The following PALM2AKAP2 variants were observed in gnomAD, a reference collection of about 807,000 sequenced individuals.
PALM2AKAP2 encodes PALM2-AKAP2 fusion protein.
Under a neutral mutation model 71.5 loss-of-function variants are expected in PALM2AKAP2, and 37 were observed. The observed-to-expected ratio is 0.52, with a 90% CI of 0.40 to 0.68. The LOEUF (loss-of-function observed/expected upper bound fraction) is 0.68. Among genes scored for constraint, PALM2AKAP2 ranks in the 30% least tolerant of loss-of-function variants. The pLI, the probability that PALM2AKAP2 is intolerant of heterozygous loss-of-function variation, is 0.00. For missense variants in PALM2AKAP2, 1,224 were observed against 1,191.8 expected (o/e 1.03, Z -0.40); for synonymous variants, 468 against 478.8 (o/e 0.98, Z 0.29).
intron 3 of PALM2AKAP2, 97 bp downstream of exon 10, chr9:110,162,229 C>A: frequency 6.5e-7 from 1 of 1,530,868 alleles, no homozygotes; most frequent in African/African-American, 1.4e-5. Flanking sequence ...ACGAAAATGG[C>A]AAGAAAAATG....
At chr9:110,049,828 G>A (rs1474414516) in intron 1 of PALM2AKAP2, among the ~76,000 whole-genome samples, 1 of 152,246 alleles carries the variant, frequency 6.6e-6, no homozygotes, top group Non-Finnish European at 1.5e-5. Context: ...CTGGTGGCCG[G>A]GTGAGGACTG....
At chr9:109,674,882 T>G (rs1827627179) in intron 1 of PALM2AKAP2, among the ~76,000 whole-genome samples, 1 of 152,110 alleles carries the variant, frequency 6.6e-6, no homozygotes, top group Non-Finnish European at 1.5e-5. Flanking sequence ...CTTATAATTT[T>G]TTTTACTTTA....
Position 109,939,121 on chromosome 9 carries a change from A to G in PALM2AKAP2, c.496+7093A>G, listed in dbSNP as rs142732203. The stretch of plus-strand genomic sequence containing the variant: ...TCATATTCACTTTTCTTTCCTCCAC[A>G]TATCACCTGCTCTAAAGCATCATTT... On this transcript the variant is annotated intron_variant, in intron 6 of 9. Transcript: ENST00000302798. Among the ~76,000 whole-genome samples, 464 of 152,232 alleles carry G rather than the reference A, an allele frequency of 3.0e-3. 1 individual carries two copies. The highest frequency in any genetic ancestry group is 0.011 in the African/African-American group (442 of 41,540).
At chr9:109,986,694 T>C (rs927766581) in intron 6 of PALM2AKAP2, among the ~76,000 whole-genome samples, 1 of 152,258 alleles carries the variant, frequency 6.6e-6, no homozygotes, top group African/African-American at 2.4e-5. Context: ...TCTGAGTCTT[T>C]ACCCACTTCA....
At chr9:110,033,460 C>A (rs1833322626) in intron 7 of PALM2AKAP2, among the ~76,000 whole-genome samples, 1 of 152,184 alleles carries the variant, frequency 6.6e-6, no homozygotes, top group Admixed American at 6.5e-5. Flanking sequence ...GGGCTAGGCA[C>A]TGTGTTAAAC....
intron 1 of PALM2AKAP2, among the ~76,000 whole-genome samples, chr9:109,769,752 A>G (rs1829226847): frequency 6.6e-6 from 1 of 152,120 alleles, no homozygotes; most frequent in Non-Finnish European, 1.5e-5. Context: ...ACATAGTGCT[A>G]TGTTTTATTT....
At chr9:109,747,276 C>T (rs1587892569) in intron 1 of PALM2AKAP2, among the ~76,000 whole-genome samples, 1 of 152,250 alleles carries the variant, frequency 6.6e-6, no homozygotes, top group East Asian at 1.9e-4. Context: ...GCCCCCAGGC[C>T]ACCACGCTGA....
chr9:109,796,284 A>C (rs1258036306), intron 1 of PALM2AKAP2, among the ~76,000 whole-genome samples: 1 of 152,234 alleles, frequency 6.6e-6, no homozygotes, highest in Non-Finnish European at 1.5e-5. Flanking sequence ...TGATTGATGT[A>C]CAGTCAGCAA....
intron 3 of PALM2AKAP2, chr9:110,162,130 G>T (rs140234906): frequency 3.1e-6 from 5 of 1,613,856 alleles, no homozygotes; most frequent in Non-Finnish European, 4.2e-6. Context: ...GGTGACTTCC[G>T]AGGTACTTTT....
At chr9:110,138,266 G>A (rs746520941) in exon 2 of PALM2AKAP2, 12 of 1,614,090 alleles carry the variant, frequency 7.4e-6, no homozygotes, top group East Asian at 4.5e-5. Context: ...GACCAGGCCC[G>A]AAGGAAGCTA....
chr9:109,980,927 C>T (rs942136027), intron 6 of PALM2AKAP2, among the ~76,000 whole-genome samples: 1 of 152,204 alleles, frequency 6.6e-6, no homozygotes, highest in Non-Finnish European at 1.5e-5. Context: ...CTCCTTGGTA[C>T]CCAGTTGCAG....
At chr9:109,784,115 G>A (rs1332254969) in intron 1 of PALM2AKAP2, among the ~76,000 whole-genome samples, 1 of 152,146 alleles carries the variant, frequency 6.6e-6, no homozygotes, top group African/African-American at 2.4e-5. Flanking sequence ...TTTAGAACAT[G>A]GTAAAAAGCC....
chr9:110,146,711 G>A (rs1157760507), intron 2 of PALM2AKAP2, among the ~76,000 whole-genome samples: 2 of 152,156 alleles, frequency 1.3e-5, no homozygotes, highest in East Asian at 3.9e-4. Context: ...CTTCCCTAAG[G>A]AGACTGGCAT....
chr9:109,991,245 T>C (rs1291116966), intron 6 of PALM2AKAP2, among the ~76,000 whole-genome samples: 1 of 149,414 alleles, frequency 6.7e-6, no homozygotes, highest in Non-Finnish European at 1.5e-5. Flanking sequence ...TTTTTTTTTC[T>C]TTTTTTTTTA....
At chr9:110,032,722 AT>A (rs1554740718) in intron 7 of PALM2AKAP2, among the ~76,000 whole-genome samples, 1 of 146,950 alleles carries the variant, frequency 6.8e-6, no homozygotes, top group African/African-American at 2.5e-5. Context: ...AAATAAATAA[AT>A]AAATAAATAA....
chr9:110,002,652 A>G (rs901463922), intron 6 of PALM2AKAP2, among the ~76,000 whole-genome samples: 13 of 152,126 alleles, frequency 8.5e-5, no homozygotes, highest in Admixed American at 7.2e-4. Flanking sequence ...CTGTGAATCT[A>G]TCTGGTCCTG....
chr9:109,665,016 C>T (rs1478623340), intron 1 of PALM2AKAP2, among the ~76,000 whole-genome samples: 1 of 152,106 alleles, frequency 6.6e-6, no homozygotes, highest in East Asian at 1.9e-4. Flanking sequence ...GTTCTCGTGC[C>T]AAGGTTTTCA....
intron 2 of PALM2AKAP2, among the ~76,000 whole-genome samples, chr9:109,872,030 TC>T (rs1829612745): frequency 1.3e-5 from 2 of 152,200 alleles, no homozygotes; most frequent in South Asian, 2.1e-4. Flanking sequence ...GATTTAAATG[TC>T]TTCTTTATCA....
At position 109,981,798 on chromosome 9, in the gene PALM2AKAP2, C is replaced by T. The variant is rs116230049; in HGVS notation, c.497-34156C>T. Among the ~76,000 whole-genome samples the T allele has an allele frequency of 7.3e-3, 1,102 of 151,754 alleles. 13 individuals carry two copies. The highest frequency in any genetic ancestry group is 0.025 in the African/African-American group (1,049 of 41,366). On this transcript the variant is annotated intron_variant, in intron 6 of 9. Coordinates refer to the PALM2AKAP2 transcript ENST00000302798. ...TAAAATGGCTGTTACCTAAAAAACACGCAATAACAAATGCCGGCAAGGATG... is the reference window on the plus strand; with the variant it reads ...TAAAATGGCTGTTACCTAAAAAACATGCAATAACAAATGCCGGCAAGGATG...
Sources: gnomAD v4.1 joint callset for allele counts (sites outside exome capture counted in the v4.1 genomes callset) on GRCh38, gnomAD v4.1.1 for gene constraint, MANE v1.5 for transcripts, NCBI Gene and HGNC (gene_info 2026-07-23, HGNC 2026-07-21) for gene names.